The following SDK1 variants were observed in gnomAD, a reference collection of about 807,000 sequenced individuals.
The protein encoded by SDK1 is sidekick cell adhesion molecule 1, also known as protein sidekick-1.
Under a neutral mutation model 245.5 loss-of-function variants are expected in SDK1, and 157 were observed. That is an observed-to-expected ratio of 0.64 (90% CI 0.56 to 0.73). SDK1 has a LOEUF of 0.73. Among genes scored for constraint, SDK1 ranks in the 30% least tolerant of loss-of-function variants. SDK1 has a pLI of 0.00. For synonymous variants in SDK1, 1,647 were observed against 1,278.5 expected (o/e 1.29, Z -6.15); for missense variants, 3,583 against 3,002.3 (o/e 1.19, Z -4.52).
At chr7:3,967,268 G>C (rs755588006) in intron 9 of SDK1, 50 bp from the exon 10 acceptor site, 1 of 1,420,934 alleles carries the variant, frequency 7.0e-7, no homozygotes, top group Non-Finnish European at 1.0e-6. Context: ...AGGCTGATGT[G>C]AGCCTCTCAG....
intron 4 of SDK1, among the ~76,000 whole-genome samples, chr7:3,780,467 G>A (rs776681647): frequency 3.3e-5 from 5 of 152,182 alleles, no homozygotes; most frequent in Non-Finnish European, 7.3e-5. Flanking sequence ...GGCAGCTGTG[G>A]CTCCCAATAG....
intron 4 of SDK1, among the ~76,000 whole-genome samples, chr7:3,676,475 G>A (rs1418684593): frequency 6.6e-6 from 1 of 152,016 alleles, no homozygotes; most frequent in Non-Finnish European, 1.5e-5. Flanking sequence ...ACAGGCGCCT[G>A]CCACCACGCC....
At chr7:3,898,714 T>C (rs1448642053) in intron 5 of SDK1, among the ~76,000 whole-genome samples, 1 of 152,176 alleles carries the variant, frequency 6.6e-6, no homozygotes, top group Non-Finnish European at 1.5e-5. Flanking sequence ...GAATTTTGGT[T>C]TTATTATGTC....
chr7:3,621,319 A>T (rs1435445592), intron 2 of SDK1, among the ~76,000 whole-genome samples: 1 of 152,158 alleles, frequency 6.6e-6, no homozygotes, highest in Non-Finnish European at 1.5e-5. Flanking sequence ...GACTTTGGAC[A>T]AGTTATCTAA....
intron 17 of SDK1, among the ~76,000 whole-genome samples, chr7:4,031,942 G>T (rs193097160): frequency 6.6e-6 from 1 of 151,158 alleles, no homozygotes; most frequent in Admixed American, 6.6e-5. Flanking sequence ...CAGGAGAATC[G>T]CTTGAACCTG....
chr7:4,079,380 C>A lies in SDK1; in HGVS notation c.3203-83C>A. On this transcript the variant is annotated intron_variant, in intron 21 of 44. Transcript: ENST00000404826. ...TATAGAATCGTTTTGAAACTGTTTA[C>A]TTTTGAAGCTGACACGTTTGATACC... is the stretch of plus-strand genomic sequence containing the variant. 40 of 1,510,252 alleles carry A rather than the reference C, an allele frequency of 2.6e-5. No individual in the cohort carries two copies. In the African/African-American group the frequency reaches 4.2e-4, roughly 16 times the overall value. The allele number at this position is 1,510,252 out of a possible 1,614,324, so 93.6% of individuals were successfully genotyped here.
At chr7:3,312,119 C>T (rs2128543869) in intron 1 of SDK1, among the ~76,000 whole-genome samples, 1 of 152,288 alleles carries the variant, frequency 6.6e-6, no homozygotes, top group East Asian at 1.9e-4. Context: ...AAAAAAGGGA[C>T]ATCTAAACTC....
At position 4,266,256 on chromosome 7, in the gene SDK1, T is replaced by A. The variant is rs1486593655; in HGVS notation, c.*872T>A. 11 of 985,408 alleles carry A rather than the reference T, an allele frequency of 1.1e-5. No homozygotes were observed. In the South Asian group the frequency reaches 3.8e-4, roughly 34 times the overall value. The allele number at this position is 985,408 out of a possible 1,614,324, so 61.0% of individuals were successfully genotyped here. A position where few individuals can be genotyped will look rare whatever the true frequency, so the allele number is the denominator to read the frequency against. ...CGTGCATTGTTAACCAGAGTATTTTTAAAATCTTTTTATCTTTTTTTAAAC... is the reference window on the plus strand; with the variant it reads ...CGTGCATTGTTAACCAGAGTATTTTAAAAATCTTTTTATCTTTTTTTAAAC... On this transcript the variant is annotated 3_prime_UTR_variant, in exon 45 of 45. Transcript: ENST00000404826.
chr7:3,986,896 C>T (rs1216323716), intron 13 of SDK1, among the ~76,000 whole-genome samples: 1 of 152,132 alleles, frequency 6.6e-6, no homozygotes, highest in Non-Finnish European at 1.5e-5. Context: ...GTGTAAACGT[C>T]TGCGTCCCCT....
At chr7:3,550,883 G>A (rs1458500856) in intron 1 of SDK1, among the ~76,000 whole-genome samples, 1 of 152,080 alleles carries the variant, frequency 6.6e-6, no homozygotes, top group East Asian at 1.9e-4. Context: ...TAGCAATACT[G>A]CTGTGGAGCC....
chr7:3,982,720 G>A (rs1007003176), intron 13 of SDK1, among the ~76,000 whole-genome samples: 2 of 151,994 alleles, frequency 1.3e-5, no homozygotes, highest in Non-Finnish European at 2.9e-5. Context: ...GGTGCCTGTA[G>A]TCCCAGCTAC....
chr7:4,245,251 A>C (rs142389752), intron 43 of SDK1, among the ~76,000 whole-genome samples: 2 of 152,198 alleles, frequency 1.3e-5, no homozygotes, highest in African/African-American at 4.8e-5. Context: ...TCTGTAGGAG[A>C]CAATTCCCAC....
At chr7:3,799,351 G>A (rs576177286) in intron 4 of SDK1, among the ~76,000 whole-genome samples, 15 of 150,932 alleles carry the variant, frequency 9.9e-5, no homozygotes, top group Non-Finnish European at 1.6e-4. Flanking sequence ...ACTCATTTAG[G>A]CCCCTTCTAA....
Position 3,619,294 on chromosome 7 carries a change from C to G in SDK1, c.458+55C>G, listed in dbSNP as rs1048974643. 38 of 1,475,544 alleles carry G rather than the reference C, an allele frequency of 2.6e-5. No individual in the cohort carries two copies. In the African/African-American group the frequency reaches 4.3e-4, roughly 17 times the overall value. 91.4% of individuals were successfully genotyped at this position (1,475,544 alleles called of 1,614,324 possible). ...CATTTCAGTTGATGTGTTTGGAATA[C>G]TTGCCTTACTGGTCATAATAGCACA... On this transcript the variant is annotated intron_variant, in intron 2 of 44. Coordinates refer to ENST00000404826, the MANE Select transcript of SDK1 (RefSeq NM_152744.4).
chr7:3,712,238 G>A (rs1785070434), intron 4 of SDK1, among the ~76,000 whole-genome samples: 1 of 152,150 alleles, frequency 6.6e-6, no homozygotes, highest in Admixed American at 6.5e-5. Context: ...TGTCAGATCA[G>A]TGGCAGCATA....
chr7:3,591,054 G>A (rs545697085), intron 1 of SDK1, among the ~76,000 whole-genome samples: 50 of 152,094 alleles, frequency 3.3e-4, no homozygotes, highest in African/African-American at 1.1e-3. Context: ...TAAGAACAAC[G>A]GTTTATATGA....
chr7:3,949,208 C>T (rs1054187777), intron 5 of SDK1, among the ~76,000 whole-genome samples: 3 of 152,204 alleles, frequency 2.0e-5, no homozygotes, highest in Non-Finnish European at 4.4e-5. Context: ...CTCAGCCCCC[C>T]AGGGACCCAG....
In SDK1 at chr7:3,762,788, A is replaced by C. The variant is rs142951339; in HGVS notation, c.714-58662A>C. On this transcript the variant is annotated intron_variant, in intron 4 of 44. Transcript: ENST00000404826. ...ACTGACTTTTACTAATAGTTTTTAA[A>C]AAATCACTGTCATTTATGTAGTTTT... 4.6e-5 allele frequency among the ~76,000 whole-genome samples: 7 copies of C among 152,368 alleles called. No homozygotes were observed. In the East Asian group the frequency reaches 1.3e-3, roughly 29 times the overall value.
At chr7:3,788,457 C>G (rs1377453324) in intron 4 of SDK1, among the ~76,000 whole-genome samples, 1 of 152,136 alleles carries the variant, frequency 6.6e-6, no homozygotes, top group African/African-American at 2.4e-5. Flanking sequence ...ATCTACCACC[C>G]AGTCTGCATT....
Sources: gnomAD v4.1 joint callset for allele counts (sites outside exome capture counted in the v4.1 genomes callset) on GRCh38, gnomAD v4.1.1 for gene constraint, MANE v1.5 for transcripts, NCBI Gene and HGNC (gene_info 2026-07-23, HGNC 2026-07-21) for gene names.